PAFAH1B1: variants seen among roughly 807,000 people sequenced by gnomAD.
PAFAH1B1 encodes the protein platelet activating factor acetylhydrolase 1b regulatory subunit 1, also known as platelet-activating factor acetylhydrolase IB subunit beta.
A neutral mutation model predicts 57.5 loss-of-function variants in PAFAH1B1; 2 were observed. The observed-to-expected ratio is 0.03, with a 90% confidence interval of 0.01 to 0.11. The LOEUF (loss-of-function observed/expected upper bound fraction) is 0.11. PAFAH1B1 is among the 10% of genes least tolerant of loss of function. The pLI, the probability that PAFAH1B1 is intolerant of heterozygous loss-of-function variation, is 1.00. For missense variants in PAFAH1B1, 257 were observed against 512.0 expected (o/e 0.50, Z 4.81); for synonymous variants, 152 against 169.6 (o/e 0.90, Z 0.81).
At chr17:2,663,791 G>A (rs1333141946) in intron 2 of PAFAH1B1, among the ~76,000 whole-genome samples, 1 of 151,132 alleles carries the variant, frequency 6.6e-6, no homozygotes, top group Non-Finnish European at 1.5e-5. Context: ...TTTGCCTCCC[G>A]GGTTCAAGCA....
chr17:2,599,971 CTTTTTTTTTTTTT>C (rs34442256), intron 1 of PAFAH1B1, among the ~76,000 whole-genome samples: 2,313 of 83,018 alleles, frequency 0.028, 108 homozygotes, highest in African/African-American at 0.11. Context: ...CATTTTTAAC[CTTTTTTTTTTTTT>C]TTTTTTTTTT....
chr17:2,627,165 C>A (rs1344878446), intron 1 of PAFAH1B1, among the ~76,000 whole-genome samples: 1 of 152,144 alleles, frequency 6.6e-6, no homozygotes, highest in Non-Finnish European at 1.5e-5. Flanking sequence ...GAGATCCTTG[C>A]CTAAGCCAAT....
At chr17:2,634,046 G>C (rs935066763) in intron 1 of PAFAH1B1, among the ~76,000 whole-genome samples, 6 of 150,092 alleles carry the variant, frequency 4.0e-5, no homozygotes, top group African/African-American at 1.5e-4. Flanking sequence ...GATTTCACAG[G>C]CATCTTAGAA....
chr17:2,672,858 A>T lies in PAFAH1B1; in HGVS notation c.671+101A>T, dbSNP rs2069202586. On this transcript the variant is annotated intron_variant, in intron 7 of 10. Transcript: ENST00000397195. ...GCCAAGGTGGGCAGATCACCTGGTC[A>T]GGAATTGAAGACCAGCCTGGCCAAC... 8.0e-6 allele frequency: 6 copies of T among 747,218 alleles called. No individual in the cohort carries two copies. The South Asian group carries it at 8.7e-5, about 11-fold the overall frequency. The allele number at this position is 747,218 out of a possible 1,614,324, so 46.3% of individuals were successfully genotyped here.
intron 2 of PAFAH1B1, among the ~76,000 whole-genome samples, chr17:2,654,516 A>C (rs1226085655): frequency 6.6e-6 from 1 of 152,112 alleles, no homozygotes; most frequent in East Asian, 1.9e-4. Flanking sequence ...TGGAATCTAT[A>C]ATCATATTGT....
chr17:2,672,798 A>G lies in PAFAH1B1; in HGVS notation c.671+41A>G, dbSNP rs552523357. 1.6e-4 allele frequency: 202 copies of G among 1,242,700 alleles called. No homozygotes were observed. In the South Asian group the frequency reaches 2.0e-3, roughly 12 times the overall value. 77.0% of individuals were successfully genotyped at this position (1,242,700 alleles called of 1,614,324 possible). Reference sequence around the variant, plus strand: ...TGAAAAGGCATCAGCGGCCAGGTGCAGTGGCTCACACCTGTCATCCCAGCG... The same window carrying G: ...TGAAAAGGCATCAGCGGCCAGGTGCGGTGGCTCACACCTGTCATCCCAGCG... On this transcript the variant is annotated intron_variant, in intron 7 of 10. Coordinates refer to ENST00000397195, the MANE Select transcript of PAFAH1B1 (RefSeq NM_000430.4).
In PAFAH1B1 at chr17:2,677,143, A is replaced by G. The variant is rs542448425; in HGVS notation, c.1002+537A>G. Among the ~76,000 whole-genome samples the G allele has an allele frequency of 1.4e-3, 213 of 152,264 alleles. 1 individual carries two copies. The highest frequency in any genetic ancestry group is 4.4e-3 in the African/African-American group (184 of 41,558). On this transcript the variant is annotated intron_variant, in intron 9 of 10. Coordinates refer to ENST00000397195, the MANE Select transcript of PAFAH1B1 (RefSeq NM_000430.4). The stretch of plus-strand genomic sequence containing the variant: ...ACTCCAGCCTGGGCGACAGAGTGAG[A>G]CTCCATCTCAAAAAAAATAAAATAA...
chr17:2,636,214 C>T (rs1364695344), intron 1 of PAFAH1B1, among the ~76,000 whole-genome samples: 1 of 152,128 alleles, frequency 6.6e-6, no homozygotes, highest in African/African-American at 2.4e-5. Flanking sequence ...GTTCCAGTTC[C>T]ACTAGTTCTT....
At chr17:2,613,730 G>T (rs1320653238) in intron 1 of PAFAH1B1, 2 of 297,274 alleles carry the variant, frequency 6.7e-6, no homozygotes, top group Non-Finnish European at 6.8e-6. Flanking sequence ...AAGGGCTGGG[G>T]CCTCCTCCCC....
chr17:2,596,790 G>T (rs1167015236), intron 1 of PAFAH1B1, among the ~76,000 whole-genome samples: 1 of 152,158 alleles, frequency 6.6e-6, no homozygotes, highest in Non-Finnish European at 1.5e-5. Context: ...CAGGTGCAGT[G>T]GTTCACGCCT....
intron 2 of PAFAH1B1, among the ~76,000 whole-genome samples, chr17:2,660,561 T>C (rs539017793): frequency 2.0e-5 from 3 of 152,330 alleles, no homozygotes; most frequent in African/African-American, 7.2e-5. Flanking sequence ...GCTTCATCCA[T>C]GTCGCCACAA....
At chr17:2,645,197 T>C (rs2068751077) in intron 2 of PAFAH1B1, among the ~76,000 whole-genome samples, 1 of 152,096 alleles carries the variant, frequency 6.6e-6, no homozygotes, top group Non-Finnish European at 1.5e-5. Flanking sequence ...CAGTGAGCCA[T>C]GATCATGTCA....
chr17:2,664,694 T>TCTCTCTCTCTCTCTCTC (rs1567554200), intron 2 of PAFAH1B1, among the ~76,000 whole-genome samples: 5 of 114,462 alleles, frequency 4.4e-5, no homozygotes, highest in African/African-American at 1.5e-4. Flanking sequence ...CTCTCTCTCT[T>TCTCTCTCTCTCTCTCTC]TCTCTCTCCA....
At position 2,670,093 on chromosome 17, in the gene PAFAH1B1, C is replaced by T. The variant is rs544993391; in HGVS notation, c.400-70C>T. 1.7e-5 allele frequency: 22 copies of T among 1,321,898 alleles called. No homozygotes were observed. The South Asian group carries it at 2.4e-4, about 14-fold the overall frequency. 81.9% of individuals were successfully genotyped at this position (1,321,898 alleles called of 1,614,324 possible). A position where few individuals can be genotyped will look rare whatever the true frequency, so the allele number is the denominator to read the frequency against. ...CTCAGTAAGGTGCCAGACTGGCCTG[C>T]TGAGTGCAAATGTGAAACAAGAAAG... On this transcript the variant is annotated intron_variant, in intron 5 of 10. Transcript: ENST00000397195.
intron 2 of PAFAH1B1, among the ~76,000 whole-genome samples, chr17:2,655,183 A>ATGTGTGTG (rs34493806): frequency 0.036 from 5,199 of 143,878 alleles, 112 homozygotes; most frequent in African/African-American, 0.063. Flanking sequence ...ATATACATAT[A>ATGTGTGTG]TGTGTGTGTG....
At chr17:2,658,328 G>GTT (rs2068965511) in intron 2 of PAFAH1B1, among the ~76,000 whole-genome samples, 1 of 152,154 alleles carries the variant, frequency 6.6e-6, no homozygotes, top group African/African-American at 2.4e-5. Flanking sequence ...GGTAAAGAGG[G>GTT]AAACACAGAT....
rs547321119 is a variant in PAFAH1B1, at chr17:2,645,607, T to TTA, written c.32+7303_32+7304dup. Among the ~76,000 whole-genome samples, 142 of 141,656 alleles carry TTA rather than the reference T, an allele frequency of 1.0e-3. 1 individual carries two copies. The highest frequency in any genetic ancestry group is 6.2e-3 in the East Asian group (30 of 4,804). The allele number at this position is 141,656 out of a possible 152,430, so 92.9% of individuals were successfully genotyped here. A position where few individuals can be genotyped will look rare whatever the true frequency, so the allele number is the denominator to read the frequency against. On this transcript the variant is annotated intron_variant, in intron 2 of 10. Coordinates refer to ENST00000397195, the MANE Select transcript of PAFAH1B1 (RefSeq NM_000430.4). ...GACCCTGTCTCAAAAATATATATATTTATATATATATATATATTTTTTGTT... is the reference window on the plus strand; with the variant it reads ...GACCCTGTCTCAAAAATATATATATTTATATATATATATATATATTTTTTGTT...
At chr17:2,660,225 C>CTT (rs1025714688) in intron 2 of PAFAH1B1, among the ~76,000 whole-genome samples, 1 of 145,284 alleles carries the variant, frequency 6.9e-6, no homozygotes. Flanking sequence ...TTCAGTGTAT[C>CTT]TTTTTTTTTT....
chr17:2,650,770 G>A (rs6502440), intron 2 of PAFAH1B1, among the ~76,000 whole-genome samples: 40,953 of 151,604 alleles, frequency 0.27, 5,737 homozygotes, highest in Middle Eastern at 0.35. Context: ...TTTTTTGTGT[G>A]TGTATAATGC....
Sources: allele counts gnomAD v4.1 joint callset (sites outside exome capture counted in the v4.1 genomes callset), GRCh38; gene constraint gnomAD v4.1.1; transcripts MANE v1.5; gene names NCBI Gene and HGNC (gene_info 2026-07-23, HGNC 2026-07-21).